Variants in NTN1 observed in about 807,000 individuals in gnomAD.
NTN1 encodes the protein netrin 1.
In NTN1, 11 loss-of-function variants were observed where a neutral mutation model predicts 54.2. That is an observed-to-expected ratio of 0.20 (90% CI 0.13 to 0.34). The LOEUF (loss-of-function observed/expected upper bound fraction) is 0.34. Among genes scored for constraint, NTN1 ranks in the 10% least tolerant of loss-of-function variants. NTN1 has a pLI of 1.00. For synonymous variants in NTN1, 371 were observed against 382.0 expected (o/e 0.97, Z 0.33); for missense variants, 740 against 893.1 (o/e 0.83, Z 2.18).
At chr17:9,167,796 G>A (rs747751507) in intron 3 of NTN1, among the ~76,000 whole-genome samples, 11 of 152,176 alleles carry the variant, frequency 7.2e-5, no homozygotes, top group Non-Finnish European at 1.2e-4. Flanking sequence ...TTGGGTCACT[G>A]TGTGCAGGGG....
chr17:9,136,289 T>C (rs1259150875), intron 2 of NTN1, among the ~76,000 whole-genome samples: 1 of 152,212 alleles, frequency 6.6e-6, no homozygotes, highest in Non-Finnish European at 1.5e-5. Context: ...AAGAGTATAG[T>C]GTGGCTGAGT....
chr17:9,148,684 C>T (rs1047572394), intron 2 of NTN1, among the ~76,000 whole-genome samples: 1 of 151,844 alleles, frequency 6.6e-6, no homozygotes, highest in African/African-American at 2.4e-5. Flanking sequence ...TGGAGTGGCC[C>T]AATGGGACAC....
intron 2 of NTN1, among the ~76,000 whole-genome samples, chr17:9,102,208 T>C (rs1032319168): frequency 2.0e-5 from 3 of 152,226 alleles, no homozygotes; most frequent in African/African-American, 7.2e-5. Context: ...CTCACATTGC[T>C]AATAAAGACA....
At position 9,135,478 on chromosome 17, in the gene NTN1, C is replaced by T. The variant is rs570667530; in HGVS notation, c.1019-27335C>T. ...CTCCTGTTCCCAGCAATAGTTCATT[C>T]GCCACTGTCGGGGTCAACCACTTAG... is the stretch of plus-strand genomic sequence containing the variant. On this transcript the variant is annotated intron_variant, in intron 2 of 6. Coordinates refer to ENST00000173229, the MANE Select transcript of NTN1 (RefSeq NM_004822.3). The surrounding 1 kb of genome is among the most constrained non-coding windows in gnomAD (Gnocchi z 4.4). 2.0e-5 allele frequency among the ~76,000 whole-genome samples: 3 copies of T among 152,330 alleles called. No homozygotes were observed. Among genetic ancestry groups the T allele is most frequent in the South Asian group, 2.1e-4 (1 of 4,820 alleles).
At chr17:9,233,712 G>A (rs1321798756) in intron 6 of NTN1, among the ~76,000 whole-genome samples, 2 of 152,020 alleles carry the variant, frequency 1.3e-5, no homozygotes, top group African/African-American at 4.8e-5. Context: ...TGACGGCCTG[G>A]TAATGGGTCA....
intron 5 of NTN1, among the ~76,000 whole-genome samples, chr17:9,190,134 T>C (rs571032894): frequency 2.6e-5 from 4 of 152,304 alleles, no homozygotes; most frequent in Admixed American, 6.5e-5. Flanking sequence ...AGTTTTATGA[T>C]AATGGAAACA....
intron 5 of NTN1, among the ~76,000 whole-genome samples, chr17:9,185,186 C>T (rs995529736): frequency 3.3e-5 from 5 of 152,124 alleles, no homozygotes; most frequent in Non-Finnish European, 5.9e-5. Context: ...CCCAGAGAAC[C>T]GGAGCCATCT....
At chr17:9,049,637 T>C (rs1376802718) in intron 2 of NTN1, among the ~76,000 whole-genome samples, 1 of 152,256 alleles carries the variant, frequency 6.6e-6, no homozygotes, top group Non-Finnish European at 1.5e-5. Context: ...TTTAGGACTA[T>C]GAAGGTCATT....
rs765138634 is a variant in NTN1, at chr17:9,022,671, A to G, written c.298A>G (p.Lys100Glu). Residue 100 changes from lysine (K) to glutamate (E), a missense_variant, in exon 2 of 7, where the codon AAG (lysine) becomes GAG (glutamate). Transcript: ENST00000173229. ...CCACCTCTGCAACGCGTCCGACCCC[A>G]AGAAGGCGCACCCGCCCGCCTTCCT... is the stretch of plus-strand genomic sequence containing the variant. ...SCHLCNASDP[K>E]KAHPPAFLTD... 2.5e-6 allele frequency: 4 copies of G among 1,576,592 alleles called. No individual in the cohort carries two copies. The highest frequency in any genetic ancestry group is 3.4e-6 in the Non-Finnish European group (4 of 1,162,738).
chr17:9,049,622 T>G (rs1383177401), intron 2 of NTN1, among the ~76,000 whole-genome samples: 1 of 152,186 alleles, frequency 6.6e-6, no homozygotes, highest in African/African-American at 2.4e-5. Flanking sequence ...AACTGGCCAT[T>G]ACTCTTTAGG....
chr17:9,202,627 C>T (rs1049999818), intron 5 of NTN1, among the ~76,000 whole-genome samples: 10 of 152,018 alleles, frequency 6.6e-5, no homozygotes, highest in Admixed American at 6.5e-4. Flanking sequence ...AATAGGGTTC[C>T]CAGAAACCTG....
intron 6 of NTN1, among the ~76,000 whole-genome samples, chr17:9,223,407 C>G (rs1024367208): frequency 3.3e-5 from 5 of 152,110 alleles, no homozygotes; most frequent in African/African-American, 7.2e-5. Flanking sequence ...CAAAAATTAG[C>G]TGGGCGTCGT....
chr17:9,063,714 A>T (rs926213194), intron 2 of NTN1, among the ~76,000 whole-genome samples: 4 of 151,832 alleles, frequency 2.6e-5, no homozygotes, highest in Admixed American at 2.0e-4. Context: ...CGCCTGGCTA[A>T]TTTTTTTGTA....
At position 9,022,931 on chromosome 17, in the gene NTN1, C is replaced by G. The variant is rs746720404; in HGVS notation, c.558C>G (p.Asn186Lys). The G allele has an allele frequency of 1.9e-6, 3 of 1,611,778 alleles. No individual in the cohort carries two copies. The highest frequency in any genetic ancestry group is 2.5e-6 in the Non-Finnish European group (3 of 1,179,782). ...FYSTQCRKMY[N>K]RPHRAPITKQ... The stretch of plus-strand genomic sequence containing the variant: ...CCACGCAGTGCCGCAAGATGTACAA[C>G]CGGCCGCACCGCGCGCCCATCACCA... The change falls in exon 2 of 7, where the codon AAC becomes AAG. Residue 186 changes from asparagine (N) to lysine (K), a missense_variant. Coordinates refer to ENST00000173229, the MANE Select transcript of NTN1 (RefSeq NM_004822.3).
intron 5 of NTN1, among the ~76,000 whole-genome samples, chr17:9,185,768 C>T (rs996077145): frequency 1.6e-4 from 25 of 152,190 alleles, no homozygotes; most frequent in Admixed American, 1.2e-3. Context: ...ACCCCTTCCC[C>T]ACCTATCAAC....
At chr17:9,021,033 C>T (rs1450664119), upstream of NTN1, among the ~76,000 whole-genome samples, 1 of 152,180 alleles carries the variant, frequency 6.6e-6, no homozygotes, top group Non-Finnish European at 1.5e-5. Flanking sequence ...GCCCTGTGCG[C>T]GGTGCCACCG....
intron 2 of NTN1, among the ~76,000 whole-genome samples, chr17:9,156,660 G>A (rs2092343275): frequency 6.6e-6 from 1 of 152,248 alleles, no homozygotes; most frequent in Non-Finnish European, 1.5e-5. Flanking sequence ...GCACTACTTA[G>A]AGTTCCAGGA....
Position 9,110,210 on chromosome 17 carries a change from G to A in NTN1, c.1019-52603G>A, listed in dbSNP as rs546344064. On this transcript the variant is annotated intron_variant, in intron 2 of 6. Transcript: ENST00000173229. ...GTGAGAAAACTTGACGACATCCCTT[G>A]AGGTGCTGCCTGGTGAGGTGGGGTG... 3.3e-5 allele frequency among the ~76,000 whole-genome samples: 5 copies of A among 152,152 alleles called. No homozygotes were observed. The East Asian group carries it at 7.7e-4, about 23-fold the overall frequency.
chr17:9,091,293 C>A (rs1168296066), intron 2 of NTN1, among the ~76,000 whole-genome samples: 1 of 152,054 alleles, frequency 6.6e-6, no homozygotes, highest in Non-Finnish European at 1.5e-5. Context: ...TCGCCCTCTC[C>A]CCCAGACTGG....
Sources: gnomAD v4.1 joint callset for allele counts (sites outside exome capture counted in the v4.1 genomes callset) on GRCh38, gnomAD v4.1.1 for gene constraint, Gnocchi (gnomAD v3.1) non-coding constraint, MANE v1.5 for transcripts, NCBI Gene and HGNC (gene_info 2026-07-23, HGNC 2026-07-21) for gene names.